MARK1: variants seen among roughly 807,000 people sequenced by gnomAD.
The protein encoded by MARK1 is microtubule affinity regulating kinase 1.
In MARK1, 40 loss-of-function variants were observed where a neutral mutation model predicts 96.3. The observed-to-expected ratio is 0.42, with a 90% CI of 0.32 to 0.54. The LOEUF (loss-of-function observed/expected upper bound fraction) is 0.54. Among genes scored for constraint, MARK1 ranks in the 20% least tolerant of loss-of-function variants. The probability of loss-of-function intolerance (pLI) is 0.16; values close to 1 mark genes in which losing one functional copy is unlikely to be tolerated. For synonymous variants in MARK1, 317 were observed against 341.2 expected, an observed-to-expected ratio of 0.93 and a Z score of 0.78; for missense variants, 719 against 984.6, an observed-to-expected ratio of 0.73 and a Z score of 3.61.
intron 16 of MARK1, among the ~76,000 whole-genome samples, chr1:220,655,112 C>T (rs13375845): frequency 0.14 from 21,894 of 152,200 alleles, 5,208 homozygotes; most frequent in African/African-American, 0.5. Context: ...TTGCTTGGCT[C>T]TGGTTTTCTC....
intron 1 of MARK1, among the ~76,000 whole-genome samples, chr1:220,531,475 G>C (rs1167188356): frequency 6.6e-6 from 1 of 152,076 alleles, no homozygotes; most frequent in East Asian, 1.9e-4. Context: ...GTCGTTTGCA[G>C]TTAATATAAA....
intron 6 of MARK1, among the ~76,000 whole-genome samples, chr1:220,609,440 A>G (rs919664690): frequency 6.6e-6 from 1 of 152,056 alleles, no homozygotes; most frequent in Non-Finnish European, 1.5e-5. Flanking sequence ...TTTTGAGCCT[A>G]TGTGTGTCTC....
At position 220,533,365 on chromosome 1, in the gene MARK1, T is replaced by C. The variant is rs574634661; in HGVS notation, c.51+4492T>C. 1.2e-3 allele frequency among the ~76,000 whole-genome samples: 184 copies of C among 147,614 alleles called. 8 individuals carry two copies. The South Asian group carries it at 0.038, about 30-fold the overall frequency. ...TCACTTCTGACCTACATGCTATTAT[T>C]ACGTCTTTTTTTTTTATAAAAATCC... On this transcript the variant is annotated intron_variant, in intron 1 of 17. Coordinates refer to ENST00000366917, the MANE Select transcript of MARK1 (RefSeq NM_018650.5).
chr1:220,649,981 A>G (rs555736426), intron 13 of MARK1, among the ~76,000 whole-genome samples: 12 of 152,274 alleles, frequency 7.9e-5, no homozygotes, highest in African/African-American at 2.6e-4. Flanking sequence ...TTACCTGCCT[A>G]TCCCTTTTTG....
chr1:220,546,899 G>C (rs1290669046), intron 1 of MARK1, among the ~76,000 whole-genome samples: 4 of 151,704 alleles, frequency 2.6e-5, no homozygotes, highest in African/African-American at 9.7e-5. Context: ...TTGAACCCTG[G>C]AGGTGGAGGC....
intron 1 of MARK1, among the ~76,000 whole-genome samples, chr1:220,556,005 A>G (rs1024124824): frequency 5.9e-5 from 9 of 152,236 alleles, no homozygotes; most frequent in South Asian, 2.1e-4. Context: ...GGACAAAGGA[A>G]TGAAGAGAAA....
intron 3 of MARK1, among the ~76,000 whole-genome samples, chr1:220,589,139 C>T (rs939770216): frequency 6.6e-6 from 1 of 152,132 alleles, no homozygotes; most frequent in African/African-American, 2.4e-5. Context: ...ATCAAGCAAG[C>T]GATGGCGAAG....
intron 13 of MARK1, among the ~76,000 whole-genome samples, chr1:220,637,711 T>A: frequency 1.4e-5 from 2 of 147,914 alleles, no homozygotes; most frequent in Non-Finnish European, 3.0e-5. Context: ...AAGAAAGAAA[T>A]CATTAGCAGT....
intron 9 of MARK1, chr1:220,626,761 G>A: frequency 3.0e-6 from 1 of 335,774 alleles, no homozygotes; most frequent in Non-Finnish European, 5.8e-6. Context: ...GGCGGAGGTT[G>A]CAGTGAGCTG....
chr1:220,632,368 A>G lies in MARK1; in HGVS notation c.1122+55A>G, dbSNP rs1339810596. 4.1e-6 allele frequency: 3 copies of G among 740,046 alleles called. No homozygotes were observed. In the East Asian group the frequency reaches 8.5e-5, roughly 21 times the overall value. The allele number at this position is 740,046 out of a possible 1,614,324, so 45.8% of individuals were successfully genotyped here. ...GAATTATTTCTTGAGCTAATATATT[A>G]GTTAATATATTCTTTGTGGAATCAA... On this transcript the variant is annotated intron_variant, in intron 11 of 17. Coordinates refer to ENST00000366917, the MANE Select transcript of MARK1 (RefSeq NM_018650.5).
intron 13 of MARK1, among the ~76,000 whole-genome samples, chr1:220,649,576 T>C (rs1668761599): frequency 6.6e-6 from 1 of 152,236 alleles, no homozygotes; most frequent in African/African-American, 2.4e-5. Flanking sequence ...TTAGCCTGTT[T>C]TGCTACCATA....
chr1:220,574,323 C>T (rs768021604), intron 1 of MARK1, among the ~76,000 whole-genome samples: 28 of 152,348 alleles, frequency 1.8e-4, no homozygotes, highest in Non-Finnish European at 2.9e-4. Context: ...CTAATGTGTT[C>T]CTTAGAGGTT....
chr1:220,593,143 T>C (rs980036214), intron 3 of MARK1, among the ~76,000 whole-genome samples: 1 of 152,134 alleles, frequency 6.6e-6, no homozygotes, highest in Admixed American at 6.5e-5. Context: ...TAATAACAAG[T>C]TCATAAACTT....
At chr1:220,541,612 G>A (rs1336576895) in intron 1 of MARK1, among the ~76,000 whole-genome samples, 1 of 152,092 alleles carries the variant, frequency 6.6e-6, no homozygotes, top group Admixed American at 6.5e-5. Context: ...ATTTATAATT[G>A]TTATAGCTTC....
At position 220,640,057 on chromosome 1, in the gene MARK1, C is replaced by G. The variant is rs75908813; in HGVS notation, c.1470+4031C>G. On this transcript the variant is annotated intron_variant, in intron 13 of 17. Coordinates refer to ENST00000366917, the MANE Select transcript of MARK1 (RefSeq NM_018650.5). ...ATCACTGCTTTAAAGCCAAAACACA[C>G]AGCTTTAATACCTTTTCTTTGAGGT... Among the ~76,000 whole-genome samples, 9 of 152,278 alleles carry G rather than the reference C, an allele frequency of 5.9e-5. No individual in the cohort carries two copies. In the East Asian group the frequency reaches 1.7e-3, roughly 29 times the overall value.
rs546078315 is a variant in MARK1 at position 220,656,874 on chromosome 1, C to G, written c.1989-916C>G. ...CATAAGGCGTTCATATTCTTAAGAA[C>G]AATTTAAAATTTTAGGGCTTGGTAT... On this transcript the variant is annotated intron_variant, in intron 16 of 17. Transcript: ENST00000366917. Among the ~76,000 whole-genome samples the G allele has an allele frequency of 5.3e-5, 8 of 151,994 alleles. No homozygotes were observed. In the South Asian group the frequency reaches 1.7e-3, roughly 32 times the overall value.
At chr1:220,586,013 G>GCGCGCGCA (rs1553323003) in intron 3 of MARK1, among the ~76,000 whole-genome samples, 1,843 of 53,036 alleles carry the variant, frequency 0.035, 23 homozygotes, top group Middle Eastern at 0.13. Flanking sequence ...ACACACACAC[G>GCGCGCGCA]CGCGCGTGCG....
intron 9 of MARK1, among the ~76,000 whole-genome samples, chr1:220,628,435 A>C (rs958477566): frequency 1.3e-5 from 2 of 152,044 alleles, no homozygotes; most frequent in African/African-American, 4.8e-5. Context: ...AACTTCCCCC[A>C]GCAAAGTCCC....
chr1:220,627,169 C>A, intron 9 of MARK1: 2 of 488,020 alleles, frequency 4.1e-6, no homozygotes, highest in East Asian at 5.5e-5. Context: ...AGGATCTGTC[C>A]CTGAGGAGAG....
Sources: allele counts gnomAD v4.1 joint callset (sites outside exome capture counted in the v4.1 genomes callset), GRCh38; gene constraint gnomAD v4.1.1; transcripts MANE v1.5; gene names NCBI Gene and HGNC (gene_info 2026-07-23, HGNC 2026-07-21).